The following LARGE2 variants were observed in gnomAD, a reference collection of about 807,000 sequenced individuals.
LARGE2 encodes LARGE xylosyl- and glucuronyltransferase 2.
Under a neutral mutation model 75.3 loss-of-function variants are expected in LARGE2, and 63 were observed. That is an observed-to-expected ratio of 0.84 (90% CI 0.68 to 1.03). The LOEUF (loss-of-function observed/expected upper bound fraction) is 1.03. Among genes scored for constraint, LARGE2 ranks in the 50% least tolerant of loss-of-function variants. The pLI is 0.00. For synonymous variants in LARGE2, 428 were observed against 420.1 expected (o/e 1.02, Z -0.23); for missense variants, 925 against 980.6 (o/e 0.94, Z 0.76).
Position 45,922,813 on chromosome 11 carries a change from G to A in LARGE2, c.-62-8G>A. 8.5e-7 allele frequency: 1 copy of A among 1,179,986 alleles called. No homozygotes were observed. Among genetic ancestry groups the A allele is most frequent in the East Asian group, 3.3e-5 (1 of 30,736 alleles). The allele number at this position is 1,179,986 out of a possible 1,614,324, so 73.1% of individuals were successfully genotyped here. On this transcript the variant is annotated splice_region_variant and splice_polypyrimidine_tract_variant and intron_variant, in intron 1 of 13. Transcript: ENST00000401752. The stretch of plus-strand genomic sequence containing the variant: ...GCTGAGTCTCCCATCTCGCCCCTCG[G>A]TCCGCAGGGCCTGCGATGGAGCCTG...
At position 45,922,665 on chromosome 11, in the gene LARGE2, C is replaced by G. The variant is rs988266738; in HGVS notation, c.-126C>G. 5 of 350,146 alleles carry G rather than the reference C, an allele frequency of 1.4e-5. No homozygotes were observed. Among genetic ancestry groups the G allele is most frequent in the Non-Finnish European group, 2.5e-5 (5 of 196,746 alleles). The allele number at this position is 350,146 out of a possible 1,614,324, so 21.7% of individuals were successfully genotyped here. A position where few individuals can be genotyped will look rare whatever the true frequency, so the allele number is the denominator to read the frequency against. ...GGCGGGACCGGCCCGCGCCTCTCCC[C>G]TGGTTCCCGCACCCTGGCCGGCGGC... On this transcript the variant is annotated 5_prime_UTR_variant, in exon 1 of 14. Coordinates refer to ENST00000401752, the MANE Select transcript of LARGE2 (RefSeq NM_001300721.2).
In LARGE2 at chr11:45,927,497, A is replaced by G. The variant is rs752860785; in HGVS notation, c.1508A>G (p.Gln503Arg). The G allele has an allele frequency of 9.3e-6, 15 of 1,614,096 alleles. No individual in the cohort carries two copies. The East Asian group carries it at 3.1e-4, about 34-fold the overall frequency. Residue 503 changes from glutamine (Q) to arginine (R), a missense_variant, in exon 11 of 14, where the codon CAG (glutamine) becomes CGG (arginine). Physicochemically the swap from Gln to Arg is conservative, Grantham distance 43. Around this residue, in one of 3 missense-constraint regions of LARGE2, gnomAD observed 469 missense variants for 503.8 expected, o/e 0.93. Coordinates refer to ENST00000401752, the MANE Select transcript of LARGE2 (RefSeq NM_001300721.2). ...GAGGGGCCCCTATACCCCGTCAACC[A>G]GCTTCGCAACGTGGCCTTGGCCCAG... is the stretch of plus-strand genomic sequence containing the variant. ...YREGPLYPVNQLRNVALAQAL... is the reference protein window; with the variant it reads ...YREGPLYPVNRLRNVALAQAL...
chr11:45,921,893 GGGCCT>G (rs2086934187), upstream of LARGE2, among the ~76,000 whole-genome samples: 1 of 152,178 alleles, frequency 6.6e-6, no homozygotes, highest in Admixed American at 6.5e-5. Flanking sequence ...CCTTAGCACA[GGGCCT>G]GGCACGCTGT....
At chr11:45,926,661 A>T in intron 9 of LARGE2, 50 bp from the exon 10 acceptor site, 1 of 1,611,350 alleles carries the variant, frequency 6.2e-7, no homozygotes, top group Non-Finnish European at 8.5e-7. Context: ...TGTCTGGGGG[A>T]TGTGTTGTTC....
chr11:45,927,037 G>A (rs951648694), intron 10 of LARGE2, among the ~76,000 whole-genome samples, 166 bp downstream of exon 10: 1 of 152,210 alleles, frequency 6.6e-6, no homozygotes, highest in Non-Finnish European at 1.5e-5. Flanking sequence ...CTTGGGCTCT[G>A]GAGTCATTCA....
chr11:45,924,878 G>A lies in LARGE2; in HGVS notation c.758G>A (p.Gly253Glu). 1 of 1,477,396 alleles carries A rather than the reference G, an allele frequency of 6.8e-7. No homozygotes were observed. Among genetic ancestry groups the A allele is most frequent in the Non-Finnish European group, 9.0e-7 (1 of 1,115,122 alleles). The allele number at this position is 1,477,396 out of a possible 1,614,324, so 91.5% of individuals were successfully genotyped here. ...NHRPWPALGR[G>E]FNTGVILLRL... Reference sequence around the variant, plus strand: ...AGGCCCTGGCCTGCCTTGGGCCGGGGATTTAACACAGGTGGGGACAGTGGT... The same window carrying A: ...AGGCCCTGGCCTGCCTTGGGCCGGGAATTTAACACAGGTGGGGACAGTGGT... The change falls in exon 6 of 14, where the codon GGA (glycine) becomes GAA (glutamate). Residue 253 changes from glycine to glutamate, a missense_variant. Transcript: ENST00000401752.
chr11:45,923,607 C>A, intron 3 of LARGE2, 52 bp downstream of exon 3: 1 of 1,486,172 alleles, frequency 6.7e-7, no homozygotes, highest in African/African-American at 1.4e-5. Context: ...GGGACAAAGC[C>A]CGGGACAGGC....
At chr11:45,928,135 C>T (rs1457762579) in intron 12 of LARGE2, 42 bp from the exon 13 acceptor site, 1 of 1,612,998 alleles carries the variant, frequency 6.2e-7, no homozygotes, top group Non-Finnish European at 8.5e-7. Context: ...TACCCACGAG[C>T]TCCTAGCCTC....
At position 45,928,039 on chromosome 11, in the gene LARGE2, T is replaced by A; in HGVS notation, c.1724T>A (p.Leu575Ter). The A allele has an allele frequency of 3.1e-6, 5 of 1,613,920 alleles. No individual in the cohort carries two copies. Among genetic ancestry groups the A allele is most frequent in the Non-Finnish European group, 4.2e-6 (5 of 1,180,018 alleles). The change falls in exon 12 of 14, where the codon TTG (leucine) becomes TAG (stop). Residue 575 changes from leucine (L) to a stop codon, truncating the protein, a stop_gained. Coordinates refer to ENST00000401752, the MANE Select transcript of LARGE2 (RefSeq NM_001300721.2). LOFTEE classifies it high-confidence loss of function. ...FPHSKVELLA[L>*]LDAGTLYTFR... ...CATTCCAAGGTGGAGCTGTTGGCCT[T>A]GCTGGATGCGGGCACTCTCTACACC...
chr11:45,923,113 G>T lies in LARGE2; in HGVS notation c.231G>T (p.Gly77=). ...ALDGDPGAGP[G]DHNRSDCGPQ... ...ACGGAGACCCGGGGGCCGGCCCCGGGGACCACAACCGCTCCGACTGCGGCC... is the reference window on the plus strand; with the variant it reads ...ACGGAGACCCGGGGGCCGGCCCCGGTGACCACAACCGCTCCGACTGCGGCC... Residue 77 remains glycine (G), a synonymous_variant, in exon 2 of 14, where the codon GGG becomes GGT. Coordinates refer to ENST00000401752, the MANE Select transcript of LARGE2 (RefSeq NM_001300721.2). 1 of 1,382,744 alleles carries T rather than the reference G, an allele frequency of 7.2e-7. No homozygotes were observed. The highest frequency in any genetic ancestry group is 1.6e-5 in the South Asian group (1 of 60,842). 85.7% of individuals were successfully genotyped at this position (1,382,744 alleles called of 1,614,324 possible).
chr11:45,927,350 CTGGCCCCA>C lies in LARGE2; in HGVS notation c.1364_1371del (p.Gly455GlufsTer38). The C allele has an allele frequency of 6.2e-7, 1 of 1,613,800 alleles. No individual in the cohort carries two copies. The highest frequency in any genetic ancestry group is 8.5e-7 in the Non-Finnish European group (1 of 1,180,022). On this transcript the variant is annotated frameshift_variant, in exon 11 of 14. Coordinates refer to ENST00000401752, the MANE Select transcript of LARGE2 (RefSeq NM_001300721.2). LOFTEE classifies it high-confidence loss of function. ...TTGGAAGCCCTGTGCAGGCACTGGC[CTGGCCCCA>C]TGAGCCTGGCCTTGTACCTGACAGA...
intron 13 of LARGE2, 121 bp from the exon 14 acceptor site, chr11:45,928,509 C>A: frequency 6.5e-7 from 1 of 1,528,602 alleles, no homozygotes; most frequent in Non-Finnish European, 8.8e-7. Context: ...TTAAAATAAT[C>A]TGCCCTTTGG....
chr11:45,927,771 A>G, intron 11 of LARGE2, 149 bp from the exon 12 acceptor site: 1 of 1,431,462 alleles, frequency 7.0e-7, no homozygotes, highest in Non-Finnish European at 9.7e-7. Flanking sequence ...CGGCTTCAAC[A>G]GCAGCTCCAC....
In LARGE2 at chr11:45,928,913, CCTG is replaced by C. The variant is rs768580628; in HGVS notation, c.*71_*73del. 6.3e-7 allele frequency: 1 copy of C among 1,576,898 alleles called. No individual in the cohort carries two copies. Among genetic ancestry groups the C allele is most frequent in the South Asian group, 1.1e-5 (1 of 87,722 alleles). ...CCAGGGCAACCTGCCCTCCGCCATC[CCTG>C]CTATTTAAATTATTTAAGGTCTCTG... On this transcript the variant is annotated 3_prime_UTR_variant, in exon 14 of 14. Coordinates refer to ENST00000401752, the MANE Select transcript of LARGE2 (RefSeq NM_001300721.2).
intron 3 of LARGE2, among the ~76,000 whole-genome samples, chr11:45,923,903 G>A (rs1354642411): frequency 6.8e-6 from 1 of 147,698 alleles, no homozygotes; most frequent in Non-Finnish European, 1.5e-5. Context: ...GGAGAATGGC[G>A]TGAACCCGGG....
chr11:45,926,774 C>T lies in LARGE2; in HGVS notation c.1228C>T (p.Leu410Phe). Residue 410 changes from leucine to phenylalanine, a missense_variant, in exon 10 of 14, where the codon CTC becomes TTC. Physicochemically the swap from Leu to Phe is conservative, Grantham distance 22. Around this residue, in one of 3 missense-constraint regions of LARGE2, gnomAD observed 469 missense variants for 503.8 expected, o/e 0.93. Coordinates refer to ENST00000401752, the MANE Select transcript of LARGE2 (RefSeq NM_001300721.2). ...CTGCTTTGAGTTCCGGCAGCAGCAG[C>T]TCACTGTGCACCGTGTGCATGTCAC... is the stretch of plus-strand genomic sequence containing the variant. Reference protein sequence around the residue: ...DPCFEFRQQQLTVHRVHVTFL... With the variant: ...DPCFEFRQQQFTVHRVHVTFL... 6.2e-7 allele frequency: 1 copy of T among 1,613,656 alleles called. No individual in the cohort carries two copies. Among genetic ancestry groups the T allele is most frequent in the Non-Finnish European group, 8.5e-7 (1 of 1,180,008 alleles).
chr11:45,927,933 C>A lies in LARGE2; in HGVS notation c.1618C>A (p.Gln540Lys), dbSNP rs1341345803. The stretch of plus-strand genomic sequence containing the variant: ...GCTCCTCCTCAGGGCCTCCATTGAG[C>A]AGCTGGGGCTGGGCAGCCGGCGCAA... The part of the protein sequence containing the change: ...LYDYLRASIE[Q>K]LGLGSRRKAA... Residue 540 changes from glutamine to lysine, a missense_variant, in exon 12 of 14, where the codon CAG becomes AAG. Gln to Lys is a moderately conservative substitution (Grantham distance 53). This residue lies in a region of LARGE2 where 469 missense variants were observed against 503.8 expected (regional missense o/e 0.93). Transcript: ENST00000401752. The A allele has an allele frequency of 1.2e-6, 2 of 1,613,162 alleles. No individual in the cohort carries two copies. The highest frequency in any genetic ancestry group is 1.7e-6 in the Non-Finnish European group (2 of 1,179,754).
At chr11:45,927,645 G>T (rs1421498235) in intron 11 of LARGE2, 52 bp downstream of exon 11, 3 of 1,592,216 alleles carry the variant, frequency 1.9e-6, no homozygotes, top group Non-Finnish European at 2.6e-6. Flanking sequence ...CGTGGACGGG[G>T]CATGCGTGGG....
Position 45,924,865 on chromosome 11 carries a change from G to T in LARGE2, c.745G>T (p.Ala249Ser). The T allele has an allele frequency of 6.7e-7, 1 of 1,486,360 alleles. No homozygotes were observed. The highest frequency in any genetic ancestry group is 8.9e-7 in the Non-Finnish European group (1 of 1,119,038). The allele number at this position is 1,486,360 out of a possible 1,614,324, so 92.1% of individuals were successfully genotyped here. Residue 249 changes from alanine to serine, a missense_variant, in exon 6 of 14, where the codon GCC (alanine) becomes TCC (serine). Physicochemically the swap from Ala to Ser is moderately conservative, Grantham distance 99. Coordinates refer to ENST00000401752, the MANE Select transcript of LARGE2 (RefSeq NM_001300721.2). ...NLWKNHRPWP[A>S]LGRGFNTGVI... ...CTGGAAGAACCACAGGCCCTGGCCTGCCTTGGGCCGGGGATTTAACACAGG... is the reference window on the plus strand; with the variant it reads ...CTGGAAGAACCACAGGCCCTGGCCTTCCTTGGGCCGGGGATTTAACACAGG...
Sources: allele counts gnomAD v4.1 joint callset (sites outside exome capture counted in the v4.1 genomes callset), GRCh38; gene constraint gnomAD v4.1.1; regional missense constraint gnomAD v4.1.1; transcripts MANE v1.5; gene names NCBI Gene and HGNC (gene_info 2026-07-23, HGNC 2026-07-21).